Variants in LNPEP observed in about 807,000 individuals in gnomAD.
The protein encoded by LNPEP is leucyl and cystinyl aminopeptidase, also known as leucyl-cystinyl aminopeptidase.
In LNPEP, 64 loss-of-function variants were observed where a neutral mutation model predicts 120.6. The ratio of observed to expected loss-of-function variants is 0.53; its 90% CI spans 0.43 to 0.65. The LOEUF (loss-of-function observed/expected upper bound fraction) is 0.65. Among genes scored for constraint, LNPEP ranks in the 30% least tolerant of loss-of-function variants. LNPEP has a pLI of 0.00. For synonymous variants in LNPEP, 435 were observed against 425.4 expected, an observed-to-expected ratio of 1.02 and a Z score of -0.28; for missense variants, 1,057 against 1,200.0, an observed-to-expected ratio of 0.88 and a Z score of 1.76.
At chr5:96,992,313 C>T (rs1387902200) in intron 4 of LNPEP, among the ~76,000 whole-genome samples, 1 of 151,974 alleles carries the variant, frequency 6.6e-6, no homozygotes, top group Non-Finnish European at 1.5e-5. Flanking sequence ...ACTCATAAAA[C>T]AAGTGTTTCT....
intron 9 of LNPEP, among the ~76,000 whole-genome samples, chr5:97,004,781 T>A (rs1331848362): frequency 6.6e-6 from 1 of 152,208 alleles, no homozygotes; most frequent in African/African-American, 2.4e-5. Context: ...TTTGAGAACT[T>A]ATTACCTAAC....
intron 15 of LNPEP, among the ~76,000 whole-genome samples, chr5:97,025,881 T>C (rs1488886976): frequency 6.6e-6 from 1 of 152,252 alleles, no homozygotes; most frequent in African/African-American, 2.4e-5. Context: ...TCATAATTTA[T>C]TTAATCCATC....
At chr5:96,970,247 C>G (rs1789829243) in intron 1 of LNPEP, among the ~76,000 whole-genome samples, 1 of 151,958 alleles carries the variant, frequency 6.6e-6, no homozygotes, top group South Asian at 2.1e-4. Context: ...TCTACTTGTT[C>G]TATCAGTTAT....
chr5:97,019,217 AT>A (rs1791131933), intron 13 of LNPEP, among the ~76,000 whole-genome samples: 1 of 152,126 alleles, frequency 6.6e-6, no homozygotes. Context: ...CCATCAATTT[AT>A]TTCCTCTCTC....
intron 1 of LNPEP, among the ~76,000 whole-genome samples, chr5:96,977,677 T>C (rs1790031977): frequency 6.6e-6 from 1 of 152,176 alleles, no homozygotes; most frequent in African/African-American, 2.4e-5. Flanking sequence ...ATCAATAATA[T>C]GTTTTATGGA....
At chr5:96,956,510 T>C (rs1029107978) in intron 1 of LNPEP, among the ~76,000 whole-genome samples, 8 of 152,212 alleles carry the variant, frequency 5.3e-5, no homozygotes, top group Non-Finnish European at 1.0e-4. Flanking sequence ...TGCGTGAGAC[T>C]CCATCTCAAA....
rs186054299 is a variant in LNPEP at position 97,028,904 on chromosome 5, C to T, written c.*371C>T. On this transcript the variant is annotated 3_prime_UTR_variant, in exon 18 of 18. Coordinates refer to ENST00000231368, the MANE Select transcript of LNPEP (RefSeq NM_005575.3). ...ACAAGGAAAGTTCTACCCTAAGAGC[C>T]GCCATCACTTCAGGCCGCTGGTTTG... 28 of 184,012 alleles carry T rather than the reference C, an allele frequency of 1.5e-4. No individual in the cohort carries two copies. Among genetic ancestry groups the T allele is most frequent in the East Asian group, 1.4e-3 (9 of 6,278 alleles). The allele number at this position is 184,012 out of a possible 1,614,324, so 11.4% of individuals were successfully genotyped here.
At chr5:97,021,277 T>C (rs1424747389) in intron 13 of LNPEP, among the ~76,000 whole-genome samples, 1 of 152,190 alleles carries the variant, frequency 6.6e-6, no homozygotes, top group Non-Finnish European at 1.5e-5. Context: ...CACTTGAAAA[T>C]GAAGCAAGTG....
Position 97,024,506 on chromosome 5 carries a change from C to T in LNPEP, c.2562-15C>T. The stretch of plus-strand genomic sequence containing the variant: ...ATTTTCTTGTTATTCTCATGTTTGA[C>T]CACCTCTCTTACAGCCTACCTACTG... On this transcript the variant is annotated splice_polypyrimidine_tract_variant and intron_variant, in intron 14 of 17. Transcript: ENST00000231368. The T allele has an allele frequency of 6.2e-7, 1 of 1,609,458 alleles. No homozygotes were observed. The highest frequency in any genetic ancestry group is 8.5e-7 in the Non-Finnish European group (1 of 1,177,620).
intron 3 of LNPEP, 48 bp downstream of exon 3, chr5:96,985,266 C>T: frequency 1.3e-6 from 2 of 1,494,740 alleles, no homozygotes; most frequent in Non-Finnish European, 1.8e-6. Flanking sequence ...GGGTCTCTTT[C>T]TTTAAGAACA....
chr5:96,989,304 T>C (rs1439104995), intron 4 of LNPEP, among the ~76,000 whole-genome samples: 1 of 64,718 alleles, frequency 1.5e-5, no homozygotes, highest in Non-Finnish European at 2.8e-5. Flanking sequence ...ATATATAATA[T>C]ATTGTATATT....
At chr5:96,944,241 ACATTGTCAATGAAACATTT>A (rs899198241) in intron 1 of LNPEP, among the ~76,000 whole-genome samples, 10 of 152,246 alleles carry the variant, frequency 6.6e-5, no homozygotes, top group Admixed American at 4.6e-4. Flanking sequence ...AAACATCATT[ACATTGTCAATGAAACATTT>A]CATTGTCAAT....
intron 4 of LNPEP, among the ~76,000 whole-genome samples, chr5:96,989,373 T>TATA (rs1554068629): frequency 4.2e-5 from 1 of 23,726 alleles, no homozygotes; most frequent in African/African-American, 1.6e-4. Flanking sequence ...TATAATTATA[T>TATA]ATTATATATT....
At chr5:97,026,203 A>G (rs941413917) in intron 15 of LNPEP, among the ~76,000 whole-genome samples, 11 of 152,220 alleles carry the variant, frequency 7.2e-5, no homozygotes, top group African/African-American at 2.7e-4. Context: ...ATAAGAGTAT[A>G]TTCTGAAATG....
intron 1 of LNPEP, among the ~76,000 whole-genome samples, chr5:96,948,473 G>A (rs1561427571): frequency 6.6e-6 from 1 of 152,098 alleles, no homozygotes; most frequent in African/African-American, 2.4e-5. Context: ...ATTTTTATTT[G>A]TTTTGCTTTT....
intron 1 of LNPEP, among the ~76,000 whole-genome samples, chr5:96,957,177 T>G (rs143545208): frequency 0.037 from 5,707 of 152,318 alleles, 185 homozygotes; most frequent in Middle Eastern, 0.11. Flanking sequence ...CAAGTAGTTG[T>G]GGCTTGCATC....
chr5:97,004,807 A>C (rs1790740125), intron 9 of LNPEP, among the ~76,000 whole-genome samples: 1 of 152,074 alleles, frequency 6.6e-6, no homozygotes, highest in South Asian at 2.1e-4. Flanking sequence ...TTCCCAAATC[A>C]TTGTTTTTTT....
intron 2 of LNPEP, among the ~76,000 whole-genome samples, chr5:96,980,554 A>G (rs963178435): frequency 6.6e-6 from 1 of 152,202 alleles, no homozygotes; most frequent in Non-Finnish European, 1.5e-5. Flanking sequence ...GTGAGACAAA[A>G]TATAAAATTA....
At chr5:96,995,655 A>G (rs542474017) in intron 6 of LNPEP, among the ~76,000 whole-genome samples, 1 of 152,070 alleles carries the variant, frequency 6.6e-6, no homozygotes, top group Admixed American at 6.5e-5. Flanking sequence ...CATCCTCCCG[A>G]GTAGCTAGGC....
Sources: allele counts gnomAD v4.1 joint callset (sites outside exome capture counted in the v4.1 genomes callset), GRCh38; gene constraint gnomAD v4.1.1; transcripts MANE v1.5; gene names NCBI Gene and HGNC (gene_info 2026-07-23, HGNC 2026-07-21).